CACNA1E: variants seen among roughly 807,000 people sequenced by gnomAD.
CACNA1E encodes the protein voltage-dependent R-type calcium channel subunit alpha-1E.
A neutral mutation model predicts 259.2 loss-of-function variants in CACNA1E; 40 were observed. The ratio of observed to expected loss-of-function variants is 0.15; its 90% CI spans 0.12 to 0.20. The LOEUF (loss-of-function observed/expected upper bound fraction) is 0.20. Ranked by LOEUF, CACNA1E falls within the 10% of genes least tolerant of loss-of-function variation. CACNA1E has a pLI of 1.00. For missense variants in CACNA1E, 1,874 were observed against 3,040.1 expected (o/e 0.62, Z 9.02); for synonymous variants, 1,104 against 1,138.5 (o/e 0.97, Z 0.61).
chr1:181,333,900 C>A (rs980121770), intron 1 of CACNA1E, among the ~76,000 whole-genome samples: 3 of 152,212 alleles, frequency 2.0e-5, no homozygotes, highest in African/African-American at 7.2e-5. Flanking sequence ...GTTGATCCAC[C>A]CACCTTGGCC....
intron 2 of CACNA1E, among the ~76,000 whole-genome samples, chr1:181,464,680 TCCTTTATAATCCATATG>T (rs1662043759): frequency 6.6e-6 from 1 of 151,906 alleles, no homozygotes; most frequent in South Asian, 2.1e-4. Flanking sequence ...CTTTGTTTTT[TCCTTTATAATCCATATG>T]CCTTTTCTTT....
At chr1:181,794,763 A>G (rs1661639281) in intron 45 of CACNA1E, 101 bp from the exon 46 acceptor site, 1 of 1,016,730 alleles carries the variant, frequency 9.8e-7, no homozygotes, top group African/African-American at 1.6e-5. Context: ...AGGGGTTACA[A>G]TTTGCCTTCC....
rs564989241 is a variant in CACNA1E, at chr1:181,804,702, A to G, written c.*5868A>G. ...AACTCATGATGTAAAGTGTCTGTTA[A>G]GTTAATAATACATAATTTAAAGCAC... is the stretch of plus-strand genomic sequence containing the variant. On this transcript the variant is annotated 3_prime_UTR_variant, in exon 48 of 48. Coordinates refer to ENST00000367573, the MANE Select transcript of CACNA1E (RefSeq NM_001205293.3). 6.6e-6 allele frequency: 1 copy of G among 152,284 alleles called. No individual in the cohort carries two copies. Among genetic ancestry groups the G allele is most frequent in the East Asian group, 1.9e-4 (1 of 5,174 alleles). The allele number at this position is 152,284 out of a possible 1,614,324, so 9.4% of individuals were successfully genotyped here.
chr1:181,652,108 G>A (rs1658812234), intron 7 of CACNA1E: 1 of 152,190 alleles, frequency 6.6e-6, no homozygotes, highest in Non-Finnish European at 1.5e-5. Flanking sequence ...TTGAGATTTT[G>A]CTTGGATTAT....
intron 25 of CACNA1E, among the ~76,000 whole-genome samples, chr1:181,748,096 T>C (rs2102642585): frequency 6.6e-6 from 1 of 152,358 alleles, no homozygotes; most frequent in South Asian, 2.1e-4. Flanking sequence ...GTAAGAGACC[T>C]GATGAAAGAT....
chr1:181,377,611 A>G (rs1655190362), intron 1 of CACNA1E, among the ~76,000 whole-genome samples: 1 of 152,230 alleles, frequency 6.6e-6, no homozygotes, highest in South Asian at 2.1e-4. Context: ...AGAAATTGAA[A>G]GCAAGGAGAC....
intron 2 of CACNA1E, among the ~76,000 whole-genome samples, chr1:181,439,975 C>T (rs1660345893): frequency 6.6e-6 from 1 of 152,048 alleles, no homozygotes; most frequent in Admixed American, 6.6e-5. Flanking sequence ...GTAAACAGAG[C>T]GTGGTATGTG....
At chr1:181,474,369 T>C (rs1208432314) in intron 2 of CACNA1E, among the ~76,000 whole-genome samples, 1 of 152,224 alleles carries the variant, frequency 6.6e-6, no homozygotes, top group Non-Finnish European at 1.5e-5. Flanking sequence ...TGATTGAGAA[T>C]TACATTTCCA....
At chr1:181,481,458 T>G (rs1053015756), upstream of CACNA1E, among the ~76,000 whole-genome samples, 3 of 151,892 alleles carry the variant, frequency 2.0e-5, no homozygotes, top group African/African-American at 7.3e-5. Flanking sequence ...GAAACACACA[T>G]GCCATGCACT....
rs1013366497 is a variant in CACNA1E, at chr1:181,445,874, A to C, written c.434+32294A>C. 2.6e-5 allele frequency among the ~76,000 whole-genome samples: 4 copies of C among 152,164 alleles called. No homozygotes were observed. The East Asian group carries it at 5.8e-4, about 22-fold the overall frequency. The stretch of plus-strand genomic sequence containing the variant: ...CTTTGCACATGGCTCCAGAATTTCC[A>C]CTGGTTCAAAAGAATCCCCAGCAAC... On this transcript the variant is annotated intron_variant, in intron 2 of 11. Transcript: ENST00000524607.
chr1:181,798,842 T>TC lies in CACNA1E; in HGVS notation c.*14dup. 1 of 1,488,652 alleles carries TC rather than the reference T, an allele frequency of 6.7e-7. No individual in the cohort carries two copies. 92.2% of individuals were successfully genotyped at this position (1,488,652 alleles called of 1,614,324 possible). ...GAAGATGACAAATGCTAGAGGCTGC[T>TC]CCCCCCTCCGATGCATGCTCTTCTC... is the stretch of plus-strand genomic sequence containing the variant. On this transcript the variant is annotated 3_prime_UTR_variant, in exon 48 of 48. Transcript: ENST00000367573. The surrounding 1 kb of genome is among the most constrained non-coding windows in gnomAD (Gnocchi z 4.2).
chr1:181,494,114 A>C (rs1160065874), intron 1 of CACNA1E, among the ~76,000 whole-genome samples: 1 of 152,214 alleles, frequency 6.6e-6, no homozygotes, highest in African/African-American at 2.4e-5. Context: ...CTCTTGGCCG[A>C]ATAAGACCAG....
chr1:181,523,252 T>TC (rs1367778040), intron 3 of CACNA1E, among the ~76,000 whole-genome samples: 4 of 152,088 alleles, frequency 2.6e-5, no homozygotes, highest in Non-Finnish European at 5.9e-5. Context: ...TGATTTCCAC[T>TC]CCCCCCAGCT....
intron 35 of CACNA1E, among the ~76,000 whole-genome samples, chr1:181,766,931 C>T (rs922076797): frequency 7.9e-5 from 12 of 152,148 alleles, no homozygotes; most frequent in Non-Finnish European, 1.8e-4. Context: ...TTGTTCTTAG[C>T]CAGAAAGATC....
chr1:181,743,054 C>T (rs1262972584), intron 25 of CACNA1E, among the ~76,000 whole-genome samples: 1 of 152,162 alleles, frequency 6.6e-6, no homozygotes, highest in Non-Finnish European at 1.5e-5. Context: ...CGTTATAAGG[C>T]ATTTATAAGA....
At chr1:181,446,676 A>G (rs1660808520) in intron 2 of CACNA1E, among the ~76,000 whole-genome samples, 1 of 152,296 alleles carries the variant, frequency 6.6e-6, no homozygotes, top group East Asian at 1.9e-4. Context: ...GCTCAATCCC[A>G]TTATTGCCTT....
intron 3 of CACNA1E, among the ~76,000 whole-genome samples, chr1:181,536,717 T>A (rs1029987730): frequency 2.0e-5 from 3 of 152,138 alleles, no homozygotes; most frequent in Non-Finnish European, 4.4e-5. Context: ...ATAGAAGTGG[T>A]GAGACCTGCT....
At chr1:181,722,225 T>C (rs1282604128) in intron 16 of CACNA1E, among the ~76,000 whole-genome samples, 1 of 152,162 alleles carries the variant, frequency 6.6e-6, no homozygotes, top group Non-Finnish European at 1.5e-5. Flanking sequence ...AATGAATTAA[T>C]TACATGCTAA....
Position 181,425,386 on chromosome 1 carries a change from G to A in CACNA1E, c.434+11806G>A, listed in dbSNP as rs372559888. Among the ~76,000 whole-genome samples, 29 of 152,294 alleles carry A rather than the reference G, an allele frequency of 1.9e-4. No individual in the cohort carries two copies. The East Asian group carries it at 2.9e-3, about 15-fold the overall frequency. The stretch of plus-strand genomic sequence containing the variant: ...CCATGGCTGCAAATGAGCCAAAGGC[G>A]TTTTCCTCTTGGATGTGAGGGGATG... On this transcript the variant is annotated intron_variant, in intron 2 of 11. Transcript: ENST00000524607.
Sources: gnomAD v4.1 joint callset for allele counts (sites outside exome capture counted in the v4.1 genomes callset) on GRCh38, gnomAD v4.1.1 for gene constraint, Gnocchi (gnomAD v3.1) non-coding constraint, MANE v1.5 for transcripts, NCBI Gene and HGNC (gene_info 2026-07-23, HGNC 2026-07-21) for gene names.